HMCN1: variants seen among roughly 807,000 people sequenced by gnomAD.
HMCN1 encodes the protein hemicentin 1, also known as hemicentin-1.
In HMCN1, 321 loss-of-function variants were observed where a neutral mutation model predicts 625.9. The observed-to-expected ratio is 0.51, with a 90% CI of 0.47 to 0.56. HMCN1 has a LOEUF of 0.56. Among genes scored for constraint, HMCN1 ranks in the 20% least tolerant of loss-of-function variants. HMCN1 has a pLI of 0.00. For synonymous variants in HMCN1, 2,425 were observed against 2,417.6 expected (o/e 1.00, Z -0.09); for missense variants, 6,588 against 6,887.3 (o/e 0.96, Z 1.54).
At chr1:185,904,647 C>T (rs1023550472) in intron 4 of HMCN1, among the ~76,000 whole-genome samples, 1 of 151,830 alleles carries the variant, frequency 6.6e-6, no homozygotes, top group Admixed American at 6.6e-5. Flanking sequence ...CAGGCAAATG[C>T]TGCCTTCTTA....
Position 186,093,219 on chromosome 1 carries a change from G to T in HMCN1, c.9973G>T (p.Ala3325Ser), listed in dbSNP as rs543118353. 5 of 1,613,286 alleles carry T rather than the reference G, an allele frequency of 3.1e-6. No individual in the cohort carries two copies. The highest frequency in any genetic ancestry group is 2.2e-5 in the East Asian group (1 of 44,840). The change falls in exon 65 of 107, where the codon GCT becomes TCT. Residue 3325 changes from alanine to serine, a missense_variant. By Grantham distance (99) the Ala-to-Ser change is moderately conservative. This residue lies in a region of HMCN1 where 4,628 missense variants were observed against 4,853.1 expected (regional missense o/e 0.95). Coordinates refer to ENST00000271588, the MANE Select transcript of HMCN1 (RefSeq NM_031935.3). ...GKYTCVATNP[A>S]GEEDRIFNLN... is the part of the protein sequence containing the mutation. Reference sequence around the variant, plus strand: ...ATACACATGTGTTGCTACTAATCCCGCTGGAGAAGAAGACCGAATTTTTAA... The same window carrying T: ...ATACACATGTGTTGCTACTAATCCCTCTGGAGAAGAAGACCGAATTTTTAA...
At chr1:185,979,821 C>A (rs1278735071) in intron 16 of HMCN1, among the ~76,000 whole-genome samples, 3 of 152,084 alleles carry the variant, frequency 2.0e-5, no homozygotes, top group African/African-American at 7.2e-5. Context: ...TTTCTCTGTT[C>A]AAATCTTATC....
intron 97 of HMCN1, among the ~76,000 whole-genome samples, chr1:186,164,605 A>G (rs1426543522): frequency 2.0e-5 from 3 of 152,182 alleles, no homozygotes; most frequent in Non-Finnish European, 4.4e-5. Flanking sequence ...TGAAAAGGAA[A>G]ACACTTGGTC....
chr1:186,044,496 A>G (rs1391648197), intron 40 of HMCN1, among the ~76,000 whole-genome samples: 1 of 152,102 alleles, frequency 6.6e-6, no homozygotes. Flanking sequence ...GCACAATACT[A>G]CTACTGTAGT....
At chr1:185,801,735 A>G (rs756340881) in intron 1 of HMCN1, among the ~76,000 whole-genome samples, 8 of 152,174 alleles carry the variant, frequency 5.3e-5, no homozygotes, top group Non-Finnish European at 1.0e-4. Flanking sequence ...GACAGAGAGG[A>G]AAGGTCCTAT....
At chr1:185,801,994 G>C (rs1658825877) in intron 1 of HMCN1, among the ~76,000 whole-genome samples, 1 of 152,122 alleles carries the variant, frequency 6.6e-6, no homozygotes, top group Admixed American at 6.6e-5. Context: ...AATTCATAGT[G>C]AATGATGGAA....
chr1:186,047,476 A>G (rs1438341273), intron 41 of HMCN1, among the ~76,000 whole-genome samples: 2 of 152,124 alleles, frequency 1.3e-5, no homozygotes, highest in Non-Finnish European at 2.9e-5. Context: ...ACACAATCCT[A>G]ATTAGTCAGT....
chr1:186,051,706 G>A (rs560276441), intron 42 of HMCN1, among the ~76,000 whole-genome samples: 3 of 152,122 alleles, frequency 2.0e-5, no homozygotes, highest in Admixed American at 6.6e-5. Context: ...AAAGGTATAA[G>A]GTAGTTGAGA....
intron 11 of HMCN1, among the ~76,000 whole-genome samples, chr1:185,953,166 TC>T (rs1157056343): frequency 6.8e-6 from 1 of 147,230 alleles, no homozygotes; most frequent in African/African-American, 2.6e-5. Context: ...TACTTGCCCC[TC>T]CCCCCAGAAA....
At chr1:185,744,749 C>T (rs536151308) in intron 1 of HMCN1, among the ~76,000 whole-genome samples, 28 of 152,294 alleles carry the variant, frequency 1.8e-4, no homozygotes, top group African/African-American at 6.3e-4. Flanking sequence ...GGACTGAAAC[C>T]TGAAGAAAGT....
intron 24 of HMCN1, among the ~76,000 whole-genome samples, chr1:185,996,919 G>A (rs1251415514): frequency 6.6e-6 from 1 of 152,086 alleles, no homozygotes; most frequent in Admixed American, 6.6e-5. Context: ...ATAAGTCAAT[G>A]ATGAGATTTG....
intron 14 of HMCN1, among the ~76,000 whole-genome samples, chr1:185,969,200 T>A (rs759020052): frequency 1.3e-5 from 2 of 152,194 alleles, no homozygotes; most frequent in African/African-American, 2.4e-5. Context: ...TCTGCTTTTA[T>A]TTATAAAAAT....
chr1:186,069,562 AAAGAAATATGTT>A, intron 50 of HMCN1, 89 bp from the exon 51 acceptor site: 1 of 759,680 alleles, frequency 1.3e-6, no homozygotes. Context: ...TCATATGTAA[AAAGAAATATGTT>A]AACAAGAAGA....
intron 100 of HMCN1, among the ~76,000 whole-genome samples, chr1:186,168,613 G>A (rs2102627949): frequency 6.6e-6 from 1 of 152,194 alleles, no homozygotes; most frequent in African/African-American, 2.4e-5. Flanking sequence ...GCCCAACTAT[G>A]GTGATTTTTC....
At chr1:186,141,451 T>C (rs76609715) in intron 89 of HMCN1, among the ~76,000 whole-genome samples, 13,643 of 152,300 alleles carry the variant, frequency 0.09, 801 homozygotes, top group Non-Finnish European at 0.13. Flanking sequence ...TTCAAACTTA[T>C]TTTGTACTTT....
intron 6 of HMCN1, among the ~76,000 whole-genome samples, chr1:185,918,746 G>A (rs114928551): frequency 1.1e-3 from 166 of 152,238 alleles, no homozygotes; most frequent in African/African-American, 3.9e-3. Flanking sequence ...GGCTCATTAT[G>A]TACGTTTAGA....
chr1:185,929,391 T>C (rs999010744), intron 10 of HMCN1, among the ~76,000 whole-genome samples: 7 of 152,136 alleles, frequency 4.6e-5, no homozygotes, highest in African/African-American at 1.7e-4. Flanking sequence ...AAAAAAATAA[T>C]TTTTCCTCAC....
chr1:186,016,603 C>A (rs2102138771), intron 32 of HMCN1, among the ~76,000 whole-genome samples: 1 of 152,122 alleles, frequency 6.6e-6, no homozygotes, highest in African/African-American at 2.4e-5. Flanking sequence ...TACCTTGAAA[C>A]TCAGTATCTT....
intron 16 of HMCN1, among the ~76,000 whole-genome samples, chr1:185,979,224 G>GA (rs972852417): frequency 1.3e-5 from 2 of 151,934 alleles, no homozygotes; most frequent in Non-Finnish European, 2.9e-5. Context: ...ATGTCCAGGT[G>GA]AAAAAATGGA....
Sources: gnomAD v4.1 joint callset for allele counts (sites outside exome capture counted in the v4.1 genomes callset) on GRCh38, gnomAD v4.1.1 for gene constraint, gnomAD v4.1.1 regional missense constraint, MANE v1.5 for transcripts, NCBI Gene and HGNC (gene_info 2026-07-23, HGNC 2026-07-21) for gene names.